UBE2E2: variants seen among roughly 807,000 people sequenced by gnomAD.
UBE2E2 encodes the protein ubiquitin conjugating enzyme E2 E2.
In UBE2E2, 6 loss-of-function variants were observed where a neutral mutation model predicts 24.7. The ratio of observed to expected loss-of-function variants is 0.24; its 90% CI spans 0.13 to 0.48. The LOEUF is 0.48. Among genes scored for constraint, UBE2E2 ranks in the 20% least tolerant of loss-of-function variants. The pLI, the probability that UBE2E2 is intolerant of heterozygous loss-of-function variation, is 0.99. For synonymous variants in UBE2E2, 104 were observed against 83.6 expected (o/e 1.24, Z -1.33); for missense variants, 169 against 245.0 (o/e 0.69, Z 2.07).
chr3:23,393,615 A>G (rs1210511989), intron 3 of UBE2E2, among the ~76,000 whole-genome samples: 1 of 152,192 alleles, frequency 6.6e-6, no homozygotes, highest in Non-Finnish European at 1.5e-5. Context: ...AAGTTGAGGA[A>G]GAGGGACAAA....
At chr3:23,396,873 A>G (rs1409917256) in intron 3 of UBE2E2, among the ~76,000 whole-genome samples, 1 of 152,142 alleles carries the variant, frequency 6.6e-6, no homozygotes, top group Non-Finnish European at 1.5e-5. Flanking sequence ...TATGCAGGAC[A>G]GGGGGGATGT....
intron 5 of UBE2E2, among the ~76,000 whole-genome samples, chr3:23,564,001 A>G: frequency 6.7e-6 from 1 of 150,094 alleles, no homozygotes; most frequent in African/African-American, 2.4e-5. Context: ...AAGAAAAGAA[A>G]AGAGAAAGAA....
At chr3:23,477,575 T>C (rs891728324) in intron 3 of UBE2E2, among the ~76,000 whole-genome samples, 1 of 152,240 alleles carries the variant, frequency 6.6e-6, no homozygotes, top group Non-Finnish European at 1.5e-5. Flanking sequence ...TGCCAACATA[T>C]AGAGGGATCT....
intron 3 of UBE2E2, among the ~76,000 whole-genome samples, chr3:23,250,854 T>C (rs1212027054): frequency 1.3e-5 from 2 of 152,164 alleles, no homozygotes; most frequent in South Asian, 2.1e-4. Context: ...CAGTCCTCTG[T>C]GGCAGGAGTA....
intron 5 of UBE2E2, among the ~76,000 whole-genome samples, chr3:23,572,592 T>C (rs1313042487): frequency 1.3e-5 from 2 of 152,160 alleles, no homozygotes; most frequent in Admixed American, 6.5e-5. Context: ...TACATCTGTG[T>C]GTGCCCAGGC....
intron 3 of UBE2E2, among the ~76,000 whole-genome samples, chr3:23,272,188 C>A (rs1016188718): frequency 1.3e-5 from 2 of 152,184 alleles, no homozygotes; most frequent in African/African-American, 4.8e-5. Context: ...TGGCTGAGGC[C>A]TGGCGAGAGT....
At chr3:23,392,171 C>T (rs902157603) in intron 3 of UBE2E2, among the ~76,000 whole-genome samples, 1 of 152,098 alleles carries the variant, frequency 6.6e-6, no homozygotes, top group African/African-American at 2.4e-5. Flanking sequence ...AGACAGATGG[C>T]AGAATGGAAA....
chr3:23,208,740 C>CT lies in UBE2E2; in HGVS notation c.42dup (p.Ser15Ter). The CT allele has an allele frequency of 6.2e-7, 1 of 1,613,322 alleles. No homozygotes were observed. The highest frequency in any genetic ancestry group is 8.5e-7 in the Non-Finnish European group (1 of 1,179,646). Reference sequence around the variant, plus strand: ...CAAAGAGTTGATGACAGTCCAAGCACTAGTGGAGGAAGTTCCGATGGAGAT... The same window carrying CT: ...CAAAGAGTTGATGACAGTCCAAGCACTTAGTGGAGGAAGTTCCGATGGAGAT... On this transcript the variant is annotated frameshift_variant, in exon 2 of 6. Coordinates refer to ENST00000396703, the MANE Select transcript of UBE2E2 (RefSeq NM_152653.4). LOFTEE classifies it high-confidence loss of function.
intron 3 of UBE2E2, among the ~76,000 whole-genome samples, chr3:23,353,821 T>G (rs1330399007): frequency 1.3e-5 from 1 of 77,518 alleles, no homozygotes; most frequent in East Asian, 4.8e-4. Flanking sequence ...CCAAGGTAAT[T>G]TATAGATTCA....
intron 3 of UBE2E2, among the ~76,000 whole-genome samples, chr3:23,251,982 T>C (rs71317819): frequency 6.6e-6 from 1 of 152,182 alleles, no homozygotes; most frequent in African/African-American, 2.4e-5. Context: ...ATGAAAATTA[T>C]GTTAACAGGT....
chr3:23,317,598 A>G (rs1433147380), intron 3 of UBE2E2, among the ~76,000 whole-genome samples: 1 of 152,176 alleles, frequency 6.6e-6, no homozygotes, highest in African/African-American at 2.4e-5. Flanking sequence ...GTGGAAGGCA[A>G]GGAGGAGTAA....
rs71051204 is a variant in UBE2E2 at position 23,234,200 on chromosome 3, CT to C, written c.227+16900del. On this transcript the variant is annotated intron_variant, in intron 3 of 5. Coordinates refer to ENST00000396703, the MANE Select transcript of UBE2E2 (RefSeq NM_152653.4). ...GGTTTCTGTCATCATTCTCTGTGCC[CT>C]TTTTTTTTTTTCTTTCTTTTTTTAT... Among the ~76,000 whole-genome samples the C allele has an allele frequency of 2.2e-3, 312 of 144,058 alleles. 4 individuals carry two copies. Among genetic ancestry groups the C allele is most frequent in the East Asian group, 0.021 (102 of 4,948 alleles). 94.5% of individuals were successfully genotyped at this position (144,058 alleles called of 152,430 possible).
intron 3 of UBE2E2, among the ~76,000 whole-genome samples, chr3:23,316,496 C>T (rs1355314240): frequency 6.6e-6 from 1 of 151,926 alleles, no homozygotes; most frequent in South Asian, 2.1e-4. Flanking sequence ...ACTTGCAATT[C>T]CCCCCGTAGG....
In UBE2E2 at chr3:23,589,278, G is replaced by T. The variant is rs1696703448; in HGVS notation, c.509-456G>T. 6.6e-6 allele frequency among the ~76,000 whole-genome samples: 1 copy of T among 151,780 alleles called. No homozygotes were observed. The highest frequency in any genetic ancestry group is 6.6e-5 in the Admixed American group (1 of 15,236). On this transcript the variant is annotated intron_variant, in intron 5 of 5. Transcript: ENST00000396703. This position sits in a 1 kb window ranked among gnomAD's most constrained non-coding sequence, Gnocchi z 4.1. ...CAAAAAAAAATTTGAAAATTAGCCA[G>T]GTGTTGTTGCACACACCTGTGGTCC... is the stretch of plus-strand genomic sequence containing the variant.
chr3:23,441,471 A>G (rs372396971), intron 3 of UBE2E2, among the ~76,000 whole-genome samples: 4 of 147,736 alleles, frequency 2.7e-5, no homozygotes, highest in East Asian at 4.2e-4. Flanking sequence ...CCCGGGAGGC[A>G]GAGCTTGCAG....
At chr3:23,464,438 AT>A (rs1309243454) in intron 3 of UBE2E2, among the ~76,000 whole-genome samples, 1 of 152,126 alleles carries the variant, frequency 6.6e-6, no homozygotes, top group African/African-American at 2.4e-5. Context: ...TTTTAGATTT[AT>A]TTTTAGGACC....
At chr3:23,235,270 T>C (rs7429470) in intron 3 of UBE2E2, among the ~76,000 whole-genome samples, 91,543 of 151,996 alleles carry the variant, frequency 0.6, 28,119 homozygotes, top group South Asian at 0.68. Context: ...AGTTTTATTT[T>C]GGGTTGAGAA....
At chr3:23,295,439 G>T (rs754305600) in intron 3 of UBE2E2, among the ~76,000 whole-genome samples, 3 of 152,206 alleles carry the variant, frequency 2.0e-5, no homozygotes, top group Non-Finnish European at 4.4e-5. Flanking sequence ...ATAAGGGAAT[G>T]AATGGTCCAG....
chr3:23,458,685 A>G (rs1017561142), intron 3 of UBE2E2, among the ~76,000 whole-genome samples: 5 of 152,178 alleles, frequency 3.3e-5, no homozygotes, highest in Admixed American at 2.6e-4. Flanking sequence ...CCAAAGTGCT[A>G]GGATTACAGG....
Sources: allele counts gnomAD v4.1 joint callset (sites outside exome capture counted in the v4.1 genomes callset), GRCh38; gene constraint gnomAD v4.1.1; non-coding constraint Gnocchi (gnomAD v3.1); transcripts MANE v1.5; gene names NCBI Gene and HGNC (gene_info 2026-07-23, HGNC 2026-07-21).